NDFIP1: variants seen among roughly 807,000 people sequenced by gnomAD.
The protein encoded by NDFIP1 is NEDD4 family-interacting protein 1.
In NDFIP1, 7 loss-of-function variants were observed where a neutral mutation model predicts 28.8. The observed-to-expected ratio is 0.24, with a 90% CI of 0.14 to 0.46. NDFIP1 has a LOEUF of 0.46. NDFIP1 is among the 20% of genes least tolerant of loss of function. The probability of loss-of-function intolerance (pLI) is 0.99; values close to 1 mark genes in which losing one functional copy is unlikely to be tolerated. For missense variants in NDFIP1, 194 were observed against 269.1 expected, an observed-to-expected ratio of 0.72 and a Z score of 1.95; for synonymous variants, 92 against 101.0, an observed-to-expected ratio of 0.91 and a Z score of 0.53.
intron 1 of NDFIP1, among the ~76,000 whole-genome samples, chr5:142,124,566 A>G (rs561717950): frequency 1.5e-4 from 23 of 152,352 alleles, no homozygotes; most frequent in Admixed American, 1.4e-3. Flanking sequence ...AGAAAGCTTT[A>G]CAAACGGTTA....
chr5:142,142,936 AAAAAAT>A (rs1285955793), intron 6 of NDFIP1: 20 of 59,626 alleles, frequency 3.4e-4, no homozygotes, highest in African/African-American at 1.1e-3. Context: ...AAAAAAAAAA[AAAAAAT>A]ATATATATAT....
chr5:142,143,709 T>A (rs1757359045), intron 6 of NDFIP1: 1 of 152,024 alleles, frequency 6.6e-6, no homozygotes, highest in Admixed American at 6.6e-5. Context: ...TTACTAAGAA[T>A]AGAGAAATAG....
chr5:142,129,349 C>T (rs966493572), intron 1 of NDFIP1, among the ~76,000 whole-genome samples: 3 of 152,080 alleles, frequency 2.0e-5, no homozygotes, highest in Admixed American at 6.6e-5. Flanking sequence ...ATTCCTAGTT[C>T]GGTGTCCCAG....
At chr5:142,117,728 C>CTT (rs10699168) in intron 1 of NDFIP1, among the ~76,000 whole-genome samples, 53,479 of 115,894 alleles carry the variant, frequency 0.46, 13,653 homozygotes, top group Admixed American at 0.54. Flanking sequence ...GTTCTACAGG[C>CTT]TTTTTTTTTT....
chr5:142,110,334 A>G (rs1254832935), intron 1 of NDFIP1, among the ~76,000 whole-genome samples: 1 of 152,152 alleles, frequency 6.6e-6, no homozygotes, highest in Non-Finnish European at 1.5e-5. Context: ...TTACTGCTTT[A>G]ATAAAATGGG....
intron 1 of NDFIP1, among the ~76,000 whole-genome samples, chr5:142,129,053 G>A (rs945283035): frequency 3.9e-5 from 6 of 152,260 alleles, no homozygotes; most frequent in South Asian, 2.1e-4. Context: ...CAGGGGTAAC[G>A]TGATTACTTT....
intron 1 of NDFIP1, among the ~76,000 whole-genome samples, chr5:142,122,659 T>C (rs1292486223): frequency 2.0e-5 from 3 of 152,202 alleles, no homozygotes; most frequent in Non-Finnish European, 4.4e-5. Context: ...CAACATTTGG[T>C]ATTTTCTGTT....
intron 1 of NDFIP1, among the ~76,000 whole-genome samples, chr5:142,112,245 C>T (rs527817520): frequency 1.1e-3 from 157 of 144,428 alleles, no homozygotes; most frequent in African/African-American, 1.5e-3. Flanking sequence ...ATTAGCTGGG[C>T]GTGGTGGCGT....
intron 7 of NDFIP1, among the ~76,000 whole-genome samples, chr5:142,145,451 C>T (rs1415779913): frequency 1.3e-5 from 2 of 152,082 alleles, no homozygotes; most frequent in South Asian, 4.1e-4. Context: ...TTGGACTTGG[C>T]TGTTTGTTCC....
intron 1 of NDFIP1, among the ~76,000 whole-genome samples, chr5:142,116,005 A>G (rs940743489): frequency 3.9e-5 from 6 of 152,244 alleles, no homozygotes; most frequent in African/African-American, 1.4e-4. Context: ...TGTAAATACT[A>G]TACCATTTTA....
intron 1 of NDFIP1, among the ~76,000 whole-genome samples, chr5:142,129,900 A>G (rs1255300817): frequency 6.7e-6 from 1 of 148,324 alleles, no homozygotes; most frequent in Non-Finnish European, 1.5e-5. Flanking sequence ...AACAAAAGCG[A>G]AACTACATCT....
chr5:142,146,571 T>C (rs1202472420), intron 7 of NDFIP1, among the ~76,000 whole-genome samples: 1 of 152,182 alleles, frequency 6.6e-6, no homozygotes, highest in African/African-American at 2.4e-5. Context: ...CTCTAATACA[T>C]TGACACCCAA....
intron 1 of NDFIP1, among the ~76,000 whole-genome samples, chr5:142,119,577 G>A (rs1308363895): frequency 6.6e-6 from 1 of 151,958 alleles, no homozygotes; most frequent in African/African-American, 2.4e-5. Flanking sequence ...GTGCTATCAA[G>A]TTCTATAAAT....
rs188372598 is a variant in NDFIP1 at position 142,129,863 on chromosome 5, A to G, written c.64-1945A>G. Among the ~76,000 whole-genome samples, 712 of 148,440 alleles carry G rather than the reference A, an allele frequency of 4.8e-3. 3 individuals are homozygous for G. The highest frequency in any genetic ancestry group is 7.5e-3 in the South Asian group (35 of 4,658). ...GAGGTGGAGGTTTCAGTGAGCCGAG[A>G]TCCCACCATTGCTCTCCAGCCTGGG... On this transcript the variant is annotated intron_variant, in intron 1 of 7. Transcript: ENST00000253814.
intron 1 of NDFIP1, among the ~76,000 whole-genome samples, chr5:142,112,362 C>T (rs891278365): frequency 3.4e-5 from 5 of 147,796 alleles, no homozygotes; most frequent in African/African-American, 7.5e-5. Flanking sequence ...TCCTGCCTGG[C>T]GACAGAGCAA....
chr5:142,141,703 G>T (rs1561604150), intron 6 of NDFIP1, among the ~76,000 whole-genome samples: 1 of 152,138 alleles, frequency 6.6e-6, no homozygotes, highest in Non-Finnish European at 1.5e-5. Flanking sequence ...GCCTCACTGT[G>T]CTTCTGTGAC....
At chr5:142,149,580 C>T (rs572021220) in intron 7 of NDFIP1, among the ~76,000 whole-genome samples, 1 of 152,188 alleles carries the variant, frequency 6.6e-6, no homozygotes, top group South Asian at 2.1e-4. Context: ...TCTCAGACAG[C>T]AGTGCCCTCT....
At chr5:142,149,530 C>G (rs1199158280) in intron 7 of NDFIP1, among the ~76,000 whole-genome samples, 1 of 143,670 alleles carries the variant, frequency 7.0e-6, no homozygotes, top group Non-Finnish European at 1.5e-5. Flanking sequence ...AGTTTGTGTA[C>G]TGCCAGCATT....
intron 1 of NDFIP1, among the ~76,000 whole-genome samples, chr5:142,130,541 A>C (rs116760964): frequency 0.013 from 1,968 of 152,132 alleles, 22 homozygotes; most frequent in Middle Eastern, 0.024. Context: ...AGTATACATC[A>C]CTTGAGGCCA....
Sources: gnomAD v4.1 joint callset for allele counts (sites outside exome capture counted in the v4.1 genomes callset) on GRCh38, gnomAD v4.1.1 for gene constraint, MANE v1.5 for transcripts, NCBI Gene and HGNC (gene_info 2026-07-23, HGNC 2026-07-21) for gene names.